The following PRCP variants were observed in gnomAD, a reference collection of about 807,000 sequenced individuals.
The protein encoded by PRCP is lysosomal Pro-X carboxypeptidase.
A neutral mutation model predicts 54.2 loss-of-function variants in PRCP; 46 were observed. That is an observed-to-expected ratio of 0.85 (90% CI 0.67 to 1.09). PRCP has a LOEUF of 1.09. PRCP is among the 50% of genes least tolerant of loss of function. PRCP has a pLI of 0.00. For synonymous variants in PRCP, 240 were observed against 212.2 expected, an observed-to-expected ratio of 1.13 and a Z score of -1.14; for missense variants, 613 against 596.8, an observed-to-expected ratio of 1.03 and a Z score of -0.28.
intron 2 of PRCP, among the ~76,000 whole-genome samples, chr11:82,853,985 G>A (rs976511912): frequency 6.6e-6 from 1 of 152,116 alleles, no homozygotes; most frequent in Non-Finnish European, 1.5e-5. Context: ...CAAAAAAGTA[G>A]GTATTGAAGG....
chr11:82,824,037 A>T lies in PRCP; in HGVS notation c.*869T>A, dbSNP rs1357577626. 2.0e-5 allele frequency: 3 copies of T among 152,230 alleles called. No homozygotes were observed. Among genetic ancestry groups the T allele is most frequent in the Non-Finnish European group, 4.4e-5 (3 of 68,036 alleles). 9.4% of individuals were successfully genotyped at this position (152,230 alleles called of 1,614,324 possible). On this transcript the variant is annotated 3_prime_UTR_variant, in exon 9 of 9. Transcript: ENST00000313010. Reference sequence around the variant, plus strand: ...CTATATTCTACTTTTGGAATAGCTGATTCATCAATTTTTAAAGGCTTCTTA... The same window carrying T: ...CTATATTCTACTTTTGGAATAGCTGTTTCATCAATTTTTAAAGGCTTCTTA...
chr11:82,900,714 T>C (rs1860264575), upstream of PRCP: 2 of 541,310 alleles, frequency 3.7e-6, no homozygotes, highest in Non-Finnish European at 7.1e-6. Flanking sequence ...AACTCATCGC[T>C]GTAGCCCATG....
At chr11:82,880,081 T>A (rs1208905615) in intron 1 of PRCP, among the ~76,000 whole-genome samples, 1 of 152,238 alleles carries the variant, frequency 6.6e-6, no homozygotes. Context: ...AGGGAACAAT[T>A]AAGTCTGCAG....
intron 6 of PRCP, among the ~76,000 whole-genome samples, chr11:82,844,746 AAAAAGAAAG>A (rs1431079401): frequency 1.3e-5 from 2 of 148,650 alleles, no homozygotes; most frequent in East Asian, 1.9e-4. Context: ...AAAAAAAAAA[AAAAAGAAAG>A]AAAGAAAGAA....
chr11:82,882,875 A>ACACACACACACACACT (rs71274460), intron 1 of PRCP, among the ~76,000 whole-genome samples: 3,893 of 149,122 alleles, frequency 0.026, 88 homozygotes, highest in African/African-American at 0.053. Flanking sequence ...ACACACACAC[A>ACACACACACACACACT]GCCCTACTGC....
chr11:82,873,046 T>C (rs998192548), intron 1 of PRCP, among the ~76,000 whole-genome samples: 6 of 149,194 alleles, frequency 4.0e-5, no homozygotes, highest in Non-Finnish European at 8.9e-5. Context: ...CTTCAAGAGT[T>C]TTAAAACTTA....
rs904367473 is a variant in PRCP, at chr11:82,900,293, T to G, written c.110A>C (p.Asn37Thr). 6.2e-7 allele frequency: 1 copy of G among 1,613,968 alleles called. No homozygotes were observed. The highest frequency in any genetic ancestry group is 8.5e-7 in the Non-Finnish European group (1 of 1,179,966). ...GGCTACAGCCGGGAGGGATGTGGGG[T>G]TGGTTGGCAAGTGTAGGCTGCCGAG... is the stretch of plus-strand genomic sequence containing the variant. ...RALGSLHLPTNPTSLPAVAKN... is the reference protein window; with the variant it reads ...RALGSLHLPTTPTSLPAVAKN... Residue 37 changes from asparagine to threonine, a missense_variant, in exon 1 of 9, where the codon AAC becomes ACC. By Grantham distance (65) the Asn-to-Thr change is moderately conservative (BLOSUM62 0). Coordinates refer to ENST00000313010, the MANE Select transcript of PRCP (RefSeq NM_005040.4).
At chr11:82,870,155 T>C (rs1811698807) in intron 1 of PRCP, among the ~76,000 whole-genome samples, 2 of 152,226 alleles carry the variant, frequency 1.3e-5, no homozygotes. Context: ...ACACAATAAC[T>C]TTACCTGAGA....
chr11:82,889,731 T>G (rs1358493467), intron 1 of PRCP, among the ~76,000 whole-genome samples: 1 of 152,184 alleles, frequency 6.6e-6, no homozygotes, highest in Non-Finnish European at 1.5e-5. Flanking sequence ...AATGGGCATA[T>G]GTGGTGAATA....
chr11:82,854,431 G>GGAAGT lies in PRCP; in HGVS notation c.310-1154_310-1153insACTTC, dbSNP rs1183833840. Among the ~76,000 whole-genome samples the GGAAGT allele has an allele frequency of 1.3e-3, 197 of 152,060 alleles. 3 individuals are homozygous for GGAAGT. Among genetic ancestry groups the GGAAGT allele is most frequent in the Middle Eastern group, 3.4e-3 (1 of 294 alleles). On this transcript the variant is annotated intron_variant, in intron 2 of 8. Coordinates refer to ENST00000313010, the MANE Select transcript of PRCP (RefSeq NM_005040.4). ...AGCCACAAAAAGAATGAAATATCCA[G>GGAAGT]GAATACAGCTAACCAAGGAAGTGAA...
chr11:82,834,499 C>T (rs866408861), intron 8 of PRCP, among the ~76,000 whole-genome samples: 34 of 152,182 alleles, frequency 2.2e-4, no homozygotes, highest in South Asian at 2.1e-4. Context: ...AGCAGTTTTA[C>T]GTTTTCCATT....
chr11:82,879,180 T>C (rs1349102922), intron 1 of PRCP, among the ~76,000 whole-genome samples: 1 of 152,262 alleles, frequency 6.6e-6, no homozygotes, highest in Non-Finnish European at 1.5e-5. Context: ...CAATCAGACA[T>C]AGATTTGGTC....
At chr11:82,829,554 A>G (rs1017391160) in intron 8 of PRCP, 7 of 152,114 alleles carry the variant, frequency 4.6e-5, no homozygotes, top group African/African-American at 1.7e-4. Context: ...TTCCCTCCCT[A>G]TGACATTTTA....
At chr11:82,835,808 C>T in intron 8 of PRCP, 1 of 497,018 alleles carries the variant, frequency 2.0e-6, no homozygotes, top group Non-Finnish European at 4.0e-6. Flanking sequence ...AAGTGATGTT[C>T]AAGAACCAGA....
intron 4 of PRCP, 45 bp downstream of exon 4, chr11:82,850,279 T>A (rs1338457521): frequency 7.4e-7 from 1 of 1,355,806 alleles, no homozygotes; most frequent in Non-Finnish European, 9.6e-7. Context: ...AAGTTTCCCT[T>A]GATAATCATT....
chr11:82,836,054 G>A (rs932300318), intron 8 of PRCP, among the ~76,000 whole-genome samples: 14 of 152,012 alleles, frequency 9.2e-5, no homozygotes, highest in African/African-American at 2.2e-4. Flanking sequence ...TTAGCTGGGC[G>A]TGGTGGTGGG....
At chr11:82,882,220 T>C (rs1859764714) in intron 1 of PRCP, among the ~76,000 whole-genome samples, 1 of 152,000 alleles carries the variant, frequency 6.6e-6, no homozygotes, top group Admixed American at 6.6e-5. Flanking sequence ...AGAGATGTAT[T>C]GAAAAAAAAC....
At chr11:82,854,398 T>C (rs183220455) in intron 2 of PRCP, among the ~76,000 whole-genome samples, 2 of 152,066 alleles carry the variant, frequency 1.3e-5, no homozygotes, top group East Asian at 3.9e-4. Flanking sequence ...CACAATCCCA[T>C]TTACAATAGC....
At chr11:82,895,327 G>T (rs1860093859) in intron 1 of PRCP, among the ~76,000 whole-genome samples, 1 of 152,104 alleles carries the variant, frequency 6.6e-6, no homozygotes, top group African/African-American at 2.4e-5. Context: ...TTTAGGTTTT[G>T]TTGTAGTTGT....
Sources: gnomAD v4.1 joint callset for allele counts (sites outside exome capture counted in the v4.1 genomes callset) on GRCh38, gnomAD v4.1.1 for gene constraint, MANE v1.5 for transcripts, NCBI Gene and HGNC (gene_info 2026-07-23, HGNC 2026-07-21) for gene names.